The following VPS8 variants were observed in gnomAD, a reference collection of about 807,000 sequenced individuals.
VPS8 encodes vacuolar protein sorting-associated protein 8 homolog.
In VPS8, 129 loss-of-function variants were observed where a neutral mutation model predicts 216.4. That is an observed-to-expected ratio of 0.60 (90% CI 0.52 to 0.69). VPS8 has a LOEUF of 0.69. VPS8 is among the 30% of genes least tolerant of loss of function. The pLI is 0.00. For synonymous variants in VPS8, 571 were observed against 565.4 expected (o/e 1.01, Z -0.14); for missense variants, 1,531 against 1,683.5 (o/e 0.91, Z 1.59).
chr3:184,998,883 C>CT (rs900935241), intron 44 of VPS8, among the ~76,000 whole-genome samples: 42 of 148,454 alleles, frequency 2.8e-4, no homozygotes, highest in African/African-American at 7.2e-4. Context: ...TTTCCAGTTG[C>CT]TTTTTTTTTT....
Position 184,824,258 on chromosome 3 carries a change from T to G in VPS8, c.-88-287T>G, listed in dbSNP as rs141377679. 195 of 179,694 alleles carry G rather than the reference T, an allele frequency of 1.1e-3. 2 individuals are homozygous for G. The East Asian group carries it at 0.026, about 24-fold the overall frequency. 11.1% of individuals were successfully genotyped at this position (179,694 alleles called of 1,614,324 possible). On this transcript the variant is annotated intron_variant, in intron 1 of 47. Transcript: ENST00000625842. ...GTAAATAAATCTAGTTGGTACCAGGTCTAGTGGCTGAGCCTATTAAGTTAT... is the reference window on the plus strand; with the variant it reads ...GTAAATAAATCTAGTTGGTACCAGGGCTAGTGGCTGAGCCTATTAAGTTAT...
intron 22 of VPS8, among the ~76,000 whole-genome samples, chr3:184,886,846 T>TG (rs201831336): frequency 0.014 from 2,087 of 152,292 alleles, 45 homozygotes; most frequent in African/African-American, 0.047. Context: ...CCTGAAGTGC[T>TG]GGGAGTACAG....
chr3:184,963,023 C>T (rs1746794724), intron 37 of VPS8, among the ~76,000 whole-genome samples: 1 of 152,080 alleles, frequency 6.6e-6, no homozygotes, highest in East Asian at 1.9e-4. Context: ...GTTCCATTCT[C>T]TTCCTTTGGT....
At chr3:184,829,663 A>G (rs1446613784) in intron 3 of VPS8, among the ~76,000 whole-genome samples, 1 of 152,198 alleles carries the variant, frequency 6.6e-6, no homozygotes, top group African/African-American at 2.4e-5. Context: ...GAGATTTCTG[A>G]TTACTATATC....
intron 6 of VPS8, 77 bp downstream of exon 6, chr3:184,838,823 A>G: frequency 8.8e-7 from 1 of 1,132,980 alleles, no homozygotes; most frequent in Non-Finnish European, 1.3e-6. Context: ...ACATTGTTCA[A>G]AATACTACAT....
chr3:184,947,972 A>G lies in VPS8; in HGVS notation c.3035+7729A>G, dbSNP rs758238114. On this transcript the variant is annotated intron_variant, in intron 36 of 47. Coordinates refer to ENST00000625842, the MANE Select transcript of VPS8 (RefSeq NM_001009921.3). ...GGAGTCATAGCCAGATATTGGAGGA[A>G]ACTAAAAATTCAGGATTTAGTCCAG... Among the ~76,000 whole-genome samples, 20 of 152,144 alleles carry G rather than the reference A, an allele frequency of 1.3e-4. 1 individual carries two copies. The highest frequency in any genetic ancestry group is 2.8e-4 in the Non-Finnish European group (19 of 68,020).
intron 17 of VPS8, among the ~76,000 whole-genome samples, chr3:184,867,170 G>C (rs1727517805): frequency 6.6e-6 from 1 of 152,140 alleles, no homozygotes. Flanking sequence ...CTAATAGGAT[G>C]CTTATTTTCT....
chr3:184,959,991 C>T (rs1038984357), intron 37 of VPS8, among the ~76,000 whole-genome samples: 9 of 151,946 alleles, frequency 5.9e-5, no homozygotes, highest in Non-Finnish European at 1.3e-4. Context: ...CTCCCCACTC[C>T]CCCCACCCCA....
At chr3:184,836,162 C>T (rs915861154) in intron 5 of VPS8, 7 of 425,558 alleles carry the variant, frequency 1.6e-5, no homozygotes, top group African/African-American at 8.2e-5. Context: ...GTATCCTGAC[C>T]TAGCTCATAT....
In VPS8 at chr3:185,052,227, A is replaced by C. The variant is rs1714408974; in HGVS notation, c.*202A>C. 4.0e-6 allele frequency: 2 copies of C among 505,862 alleles called. No homozygotes were observed. Among genetic ancestry groups the C allele is most frequent in the Non-Finnish European group, 6.8e-6 (2 of 294,574 alleles). The allele number at this position is 505,862 out of a possible 1,614,324, so 31.3% of individuals were successfully genotyped here. ...TTCTCCACATTGCTGTCATGGCGTC[A>C]GTTCACCAGACTCATTGATTTTGTT... On this transcript the variant is annotated 3_prime_UTR_variant, in exon 48 of 48. Transcript: ENST00000625842.
At chr3:184,899,411 A>G (rs992160542) in intron 24 of VPS8, among the ~76,000 whole-genome samples, 1 of 152,254 alleles carries the variant, frequency 6.6e-6, no homozygotes, top group Non-Finnish European at 1.5e-5. Flanking sequence ...TTAAGAAGTC[A>G]GCATTCTATG....
intron 25 of VPS8, among the ~76,000 whole-genome samples, chr3:184,905,312 G>A (rs1279237085): frequency 1.3e-5 from 2 of 152,244 alleles, no homozygotes; most frequent in East Asian, 3.9e-4. Context: ...GTGTCTTTTT[G>A]AGTGTTTCAG....
chr3:184,974,637 C>T (rs965863835), intron 40 of VPS8, among the ~76,000 whole-genome samples: 4 of 152,002 alleles, frequency 2.6e-5, no homozygotes, highest in African/African-American at 9.7e-5. Flanking sequence ...TTGTCTAGAC[C>T]AATGTCCTGA....
At chr3:184,876,818 G>T (rs916026450) in intron 21 of VPS8, among the ~76,000 whole-genome samples, 2 of 152,058 alleles carry the variant, frequency 1.3e-5, no homozygotes, top group Non-Finnish European at 2.9e-5. Flanking sequence ...GTATATTATA[G>T]AATTCTCCAA....
intron 21 of VPS8, among the ~76,000 whole-genome samples, chr3:184,876,639 G>GA (rs1193744570): frequency 1.3e-5 from 2 of 152,112 alleles, no homozygotes; most frequent in Non-Finnish European, 2.9e-5. Context: ...CTTTTCTGAG[G>GA]ATTCCTGTGT....
At chr3:184,999,631 T>G in intron 44 of VPS8, 65 bp from the exon 45 acceptor site, 1 of 1,509,296 alleles carries the variant, frequency 6.6e-7, no homozygotes, top group Non-Finnish European at 8.9e-7. Flanking sequence ...TAAGTACACT[T>G]ACAAGCTTAT....
rs551141255 is a variant in VPS8, at chr3:184,976,529, G to A, written c.3420+4777G>A. Among the ~76,000 whole-genome samples the A allele has an allele frequency of 6.6e-5, 10 of 152,060 alleles. 1 individual carries two copies. The South Asian group carries it at 1.9e-3, about 28-fold the overall frequency. On this transcript the variant is annotated intron_variant, in intron 40 of 47. Transcript: ENST00000625842. ...CCTTTGTTACCTAGATATATTGCAT[G>A]GTGGTGAGGTTTGGAGTATGAATGA...
intron 42 of VPS8, among the ~76,000 whole-genome samples, chr3:184,992,624 G>T (rs115038015): frequency 0.011 from 1,635 of 152,104 alleles, 30 homozygotes; most frequent in African/African-American, 0.037. Flanking sequence ...CTTGGCATAT[G>T]CTACTCACTT....
At chr3:184,916,521 A>G (rs1737625871) in intron 28 of VPS8, among the ~76,000 whole-genome samples, 1 of 152,064 alleles carries the variant, frequency 6.6e-6, no homozygotes, top group Non-Finnish European at 1.5e-5. Context: ...AATTATATAA[A>G]TATAATAAAC....
Sources: allele counts gnomAD v4.1 joint callset (sites outside exome capture counted in the v4.1 genomes callset), GRCh38; gene constraint gnomAD v4.1.1; transcripts MANE v1.5; gene names NCBI Gene and HGNC (gene_info 2026-07-23, HGNC 2026-07-21).